Variants in ADGRL2 observed in about 807,000 individuals in gnomAD.
The protein encoded by ADGRL2 is calcium-independent alpha-latrotoxin receptor 2.
A neutral mutation model predicts 157.4 loss-of-function variants in ADGRL2; 44 were observed. The ratio of observed to expected loss-of-function variants is 0.28; its 90% CI spans 0.22 to 0.36. The LOEUF (loss-of-function observed/expected upper bound fraction) is 0.36. ADGRL2 is among the 10% of genes least tolerant of loss of function. ADGRL2 has a pLI of 1.00. For synonymous variants in ADGRL2, 585 were observed against 624.7 expected (o/e 0.94, Z 0.95); for missense variants, 1,510 against 1,768.9 (o/e 0.85, Z 2.63).
At chr1:81,516,784 G>A (rs1056461998) in intron 2 of ADGRL2, among the ~76,000 whole-genome samples, 3 of 152,134 alleles carry the variant, frequency 2.0e-5, no homozygotes, top group African/African-American at 7.2e-5. Context: ...GACCCTGTGG[G>A]AAAAGGTCTG....
At chr1:81,491,884 T>G (rs2078640805) in intron 2 of ADGRL2, among the ~76,000 whole-genome samples, 1 of 152,068 alleles carries the variant, frequency 6.6e-6, no homozygotes, top group Non-Finnish European at 1.5e-5. Context: ...TTGTCCAAAG[T>G]GATGTGGCCA....
chr1:81,668,574 C>T (rs1183959427), intron 3 of ADGRL2, among the ~76,000 whole-genome samples: 1 of 151,618 alleles, frequency 6.6e-6, no homozygotes, highest in African/African-American at 2.4e-5. Context: ...TTTGTTTTTG[C>T]TTTTTTTGAG....
chr1:81,624,412 C>G (rs935350302), intron 3 of ADGRL2, among the ~76,000 whole-genome samples: 1 of 151,972 alleles, frequency 6.6e-6, no homozygotes, highest in East Asian at 1.9e-4. Flanking sequence ...GAAACCCCAT[C>G]CCTACTAAAA....
At chr1:81,804,186 TACTTCTGTCCAGGTGTGTTATGGA>T (rs1324912560) in intron 1 of ADGRL2, among the ~76,000 whole-genome samples, 1 of 152,218 alleles carries the variant, frequency 6.6e-6, no homozygotes, top group Admixed American at 6.5e-5. Context: ...AAAGAAAATT[TACTTCTGTCCAGGTGTGTTATGGA>T]ACGTTTTGTT....
intron 3 of ADGRL2, among the ~76,000 whole-genome samples, chr1:81,604,889 A>G (rs922607384): frequency 6.6e-6 from 1 of 152,220 alleles, no homozygotes; most frequent in Non-Finnish European, 1.5e-5. Flanking sequence ...GAGCAGGTAT[A>G]CAAATGCACA....
At chr1:81,345,958 A>T (rs1227088222) in intron 1 of ADGRL2, among the ~76,000 whole-genome samples, 11 of 152,138 alleles carry the variant, frequency 7.2e-5, no homozygotes, top group Non-Finnish European at 2.9e-5. Context: ...TGAAAAAATA[A>T]TTTTTTAATA....
At chr1:81,539,503 C>T (rs528243053) in intron 2 of ADGRL2, among the ~76,000 whole-genome samples, 3 of 152,168 alleles carry the variant, frequency 2.0e-5, no homozygotes, top group African/African-American at 4.8e-5. Flanking sequence ...TGCCCCCGAT[C>T]GCCTGATGCT....
At chr1:81,562,199 CA>C in intron 2 of ADGRL2, among the ~76,000 whole-genome samples, 2 of 152,080 alleles carry the variant, frequency 1.3e-5, no homozygotes, top group South Asian at 4.1e-4. Flanking sequence ...CTAAATTGTG[CA>C]AAAAGAGGCC....
At chr1:81,831,108 C>A (rs1018179365) in intron 1 of ADGRL2, among the ~76,000 whole-genome samples, 1 of 152,056 alleles carries the variant, frequency 6.6e-6, no homozygotes, top group African/African-American at 2.4e-5. Flanking sequence ...GATGATTAGT[C>A]CATAATCTTG....
At chr1:81,801,765 T>C (rs1235862376) in intron 1 of ADGRL2, among the ~76,000 whole-genome samples, 1 of 152,080 alleles carries the variant, frequency 6.6e-6, no homozygotes, top group African/African-American at 2.4e-5. Context: ...ACAAACTGAG[T>C]TGGCCTCGCG....
At chr1:81,596,175 C>A in intron 3 of ADGRL2, 1 of 502,428 alleles carries the variant, frequency 2.0e-6, no homozygotes, top group Non-Finnish European at 3.8e-6. Context: ...TGGTGACTTC[C>A]ACTTTAACTC....
At chr1:81,494,433 T>C (rs1020298961) in intron 2 of ADGRL2, among the ~76,000 whole-genome samples, 1 of 152,128 alleles carries the variant, frequency 6.6e-6, no homozygotes, top group Non-Finnish European at 1.5e-5. Context: ...CTAAAGCAAC[T>C]TTCCCATCAT....
intron 2 of ADGRL2, among the ~76,000 whole-genome samples, chr1:81,517,444 G>A (rs933228198): frequency 7.5e-5 from 9 of 119,848 alleles, no homozygotes; most frequent in East Asian, 2.5e-4. Context: ...CAGCCTGGGC[G>A]ACAGAGCGAG....
At chr1:81,345,340 A>C (rs1662403331) in intron 1 of ADGRL2, among the ~76,000 whole-genome samples, 1 of 152,214 alleles carries the variant, frequency 6.6e-6, no homozygotes, top group African/African-American at 2.4e-5. Context: ...CCAAGGTGAT[A>C]CATTGCCATT....
chr1:81,598,338 T>C (rs899082522), intron 3 of ADGRL2, among the ~76,000 whole-genome samples: 1 of 152,176 alleles, frequency 6.6e-6, no homozygotes. Context: ...ATGTCATTTC[T>C]TGTTCTCAAA....
intron 3 of ADGRL2, among the ~76,000 whole-genome samples, chr1:81,922,840 A>AC (rs958372282): frequency 4.6e-5 from 7 of 152,012 alleles, no homozygotes; most frequent in African/African-American, 7.2e-5. Context: ...AAATAGTGAG[A>AC]CCCCATCTCT....
At chr1:81,853,800 A>C (rs922783889) in intron 2 of ADGRL2, among the ~76,000 whole-genome samples, 3 of 152,106 alleles carry the variant, frequency 2.0e-5, no homozygotes, top group African/African-American at 7.2e-5. Flanking sequence ...TTCATAATAT[A>C]CTATGATGTT....
At chr1:81,382,949 T>C (rs2076368058) in intron 1 of ADGRL2, among the ~76,000 whole-genome samples, 1 of 152,212 alleles carries the variant, frequency 6.6e-6, no homozygotes, top group African/African-American at 2.4e-5. Flanking sequence ...TCCCTAATTG[T>C]TTTACTTGTA....
chr1:81,613,512 A>C (rs1203793309), intron 3 of ADGRL2, among the ~76,000 whole-genome samples: 1 of 152,220 alleles, frequency 6.6e-6, no homozygotes, highest in Non-Finnish European at 1.5e-5. Context: ...GAATGCAATC[A>C]GGGAGCTGCA....
Sources: gnomAD v4.1 joint callset for allele counts (sites outside exome capture counted in the v4.1 genomes callset) on GRCh38, gnomAD v4.1.1 for gene constraint, MANE v1.5 for transcripts, NCBI Gene and HGNC (gene_info 2026-07-23, HGNC 2026-07-21) for gene names.